The following CRHR1 variants were observed in gnomAD, a reference collection of about 807,000 sequenced individuals.
CRHR1 encodes the protein corticotropin releasing hormone receptor 1, also known as corticotropin-releasing hormone receptor 1.
In CRHR1, 28 loss-of-function variants were observed where a neutral mutation model predicts 56.0. That is an observed-to-expected ratio of 0.50 (90% CI 0.37 to 0.69). The LOEUF (loss-of-function observed/expected upper bound fraction) is 0.69, where lower values mean the gene tolerates loss of function less well. Among genes scored for constraint, CRHR1 ranks in the 30% least tolerant of loss-of-function variants. The probability of loss-of-function intolerance (pLI) is 0.00; values close to 1 mark genes in which losing one functional copy is unlikely to be tolerated. For missense variants in CRHR1, 376 were observed against 548.0 expected, an observed-to-expected ratio of 0.69 and a Z score of 3.13; for synonymous variants, 195 against 216.5, an observed-to-expected ratio of 0.90 and a Z score of 0.87.
intron 1 of CRHR1, among the ~76,000 whole-genome samples, chr17:45,797,307 T>TTTTTTTTTTTTTTTC (rs1568034430): frequency 2.2e-5 from 3 of 137,218 alleles, no homozygotes; most frequent in Non-Finnish European, 1.6e-5. Context: ...TTTTTTTTTT[T>TTTTTTTTTTTTTTTC]TGAGACGGAG....
Position 45,784,387 on chromosome 17 carries a change from G to A in CRHR1, c.-158G>A, listed in dbSNP as rs974559232. On this transcript the variant is annotated 5_prime_UTR_variant, in exon 1 of 13. Transcript: ENST00000314537. The surrounding 1 kb of genome is among the most constrained non-coding windows in gnomAD (Gnocchi z 4.2). ...GCCGGGCCGGGCCGGGCCGGGCCGC[G>A]GGGCCGGGAAGCGCCGAGCCGGGCA... 183 of 472,130 alleles carry A rather than the reference G, an allele frequency of 3.9e-4. 1 individual carries two copies. The highest frequency in any genetic ancestry group is 5.8e-4 in the Non-Finnish European group (175 of 303,848). 29.2% of individuals were successfully genotyped at this position (472,130 alleles called of 1,614,324 possible). A position where few individuals can be genotyped will look rare whatever the true frequency, so the allele number is the denominator to read the frequency against.
intron 1 of CRHR1, among the ~76,000 whole-genome samples, chr17:45,803,849 A>G (rs976087617): frequency 2.6e-5 from 4 of 151,904 alleles, no homozygotes; most frequent in Non-Finnish European, 4.4e-5. Context: ...GGAAACGAGG[A>G]GTGATGATTT....
At chr17:45,795,979 C>T (rs1333011272) in intron 1 of CRHR1, among the ~76,000 whole-genome samples, 1 of 152,228 alleles carries the variant, frequency 6.6e-6, no homozygotes, top group Non-Finnish European at 1.5e-5. Context: ...GCCCCAAAGC[C>T]TTTAGCATTT....
intron 1 of CRHR1, among the ~76,000 whole-genome samples, chr17:45,799,199 G>A (rs2061575636): frequency 1.3e-5 from 2 of 152,224 alleles, no homozygotes; most frequent in African/African-American, 4.8e-5. Context: ...TACACATCTT[G>A]CAAGTCTATC....
chr17:45,811,224 C>CA (rs1255994548), intron 2 of CRHR1, among the ~76,000 whole-genome samples: 1 of 152,252 alleles, frequency 6.6e-6, no homozygotes, highest in Admixed American at 6.5e-5. Context: ...GGGAAGAAGC[C>CA]AGTGCCTGAT....
rs146583372 is a variant in CRHR1, at chr17:45,794,387, G to T, written c.33+9810G>T. On this transcript the variant is annotated intron_variant, in intron 1 of 12. Coordinates refer to ENST00000314537, the MANE Select transcript of CRHR1 (RefSeq NM_004382.5). Reference sequence around the variant, plus strand: ...ACCAGTCCTCACCACCCTTTGAATAGCACGGGCCTAAAGCCCTCCTTTGGG... The same window carrying T: ...ACCAGTCCTCACCACCCTTTGAATATCACGGGCCTAAAGCCCTCCTTTGGG... Among the ~76,000 whole-genome samples, 700 of 152,350 alleles carry T rather than the reference G, an allele frequency of 4.6e-3. 10 individuals carry two copies. The highest frequency in any genetic ancestry group is 0.016 in the African/African-American group (681 of 41,582).
chr17:45,833,865 G>T lies in CRHR1; in HGVS notation c.1065+16G>T. The T allele has an allele frequency of 6.2e-7, 1 of 1,612,916 alleles. No individual in the cohort carries two copies. Among genetic ancestry groups the T allele is most frequent in the African/African-American group, 1.3e-5 (1 of 75,006 alleles). On this transcript the variant is annotated intron_variant, in intron 11 of 12. Transcript: ENST00000314537. Reference sequence around the variant, plus strand: ...ATCCTTCCAGGTACAGCCCTGGAGGGACACATCAGCACCTCCTTGGGTGGG... The same window carrying T: ...ATCCTTCCAGGTACAGCCCTGGAGGTACACATCAGCACCTCCTTGGGTGGG...
intron 1 of CRHR1, among the ~76,000 whole-genome samples, chr17:45,804,464 T>G: frequency 6.6e-6 from 1 of 150,484 alleles, no homozygotes; most frequent in African/African-American, 2.5e-5. Context: ...GGAATGTGGG[T>G]GGGAGAGAGG....
intron 1 of CRHR1, among the ~76,000 whole-genome samples, chr17:45,792,942 A>T (rs2061452666): frequency 6.6e-6 from 1 of 152,246 alleles, no homozygotes. Context: ...ACAAAAAAAT[A>T]ACAAAACCTC....
Position 45,821,554 on chromosome 17 carries a change from T to G in CRHR1, c.327+114T>G, listed in dbSNP as rs938770390. 4 of 1,004,826 alleles carry G rather than the reference T, an allele frequency of 4.0e-6. No individual in the cohort carries two copies. In the African/African-American group the frequency reaches 6.3e-5, roughly 16 times the overall value. 62.2% of individuals were successfully genotyped at this position (1,004,826 alleles called of 1,614,324 possible). ...CCAGAGGCTAATGTCAAGGCCCTGC[T>G]CTAGTGAAGCTGACTGGGGAGCTGG... On this transcript the variant is annotated intron_variant, in intron 4 of 12. Transcript: ENST00000314537.
At chr17:45,786,027 G>A (rs893642024) in intron 1 of CRHR1, among the ~76,000 whole-genome samples, 1 of 152,100 alleles carries the variant, frequency 6.6e-6, no homozygotes, top group Non-Finnish European at 1.5e-5. Context: ...TTTCCAAAAG[G>A]CTCGCGTGTA....
chr17:45,804,853 C>T (rs190466626), intron 1 of CRHR1, among the ~76,000 whole-genome samples: 31 of 151,430 alleles, frequency 2.0e-4, no homozygotes, highest in Admixed American at 1.4e-3. Flanking sequence ...ATTACTCTAT[C>T]GCCCAGGCTG....
chr17:45,833,693 T>C lies in CRHR1; in HGVS notation c.930-21T>C, dbSNP rs753609800. The C allele has an allele frequency of 5.1e-6, 8 of 1,571,798 alleles. No individual in the cohort carries two copies. In the Admixed American group the frequency reaches 1.4e-4, roughly 27 times the overall value. Reference sequence around the variant, plus strand: ...CTGGGGTGGGCTGTGACTCCGAGCCTCCCCACCCGCCCCACCCCAGGAAGG... The same window carrying C: ...CTGGGGTGGGCTGTGACTCCGAGCCCCCCCACCCGCCCCACCCCAGGAAGG... On this transcript the variant is annotated intron_variant, in intron 10 of 12. Coordinates refer to ENST00000314537, the MANE Select transcript of CRHR1 (RefSeq NM_004382.5).
intron 8 of CRHR1, 72 bp from the exon 9 acceptor site, chr17:45,833,066 G>A: frequency 7.3e-7 from 1 of 1,363,244 alleles, no homozygotes; most frequent in Non-Finnish European, 1.1e-6. Flanking sequence ...TCCTGGCCAA[G>A]CACTGTCCCT....
chr17:45,787,884 G>A lies in CRHR1; in HGVS notation c.33+3307G>A, dbSNP rs1333495142. ...GGGCCAGTGGGCTGCTGTGGCGTGC[G>A]GGACTGCTGGCCTGGCCACAGACTG... On this transcript the variant is annotated intron_variant, in intron 1 of 12. Coordinates refer to ENST00000314537, the MANE Select transcript of CRHR1 (RefSeq NM_004382.5). 3.3e-5 allele frequency among the ~76,000 whole-genome samples: 5 copies of A among 152,238 alleles called. No individual in the cohort carries two copies. In the East Asian group the frequency reaches 5.8e-4, roughly 18 times the overall value.
chr17:45,791,852 T>TCTCACACACACACA (rs60388646), intron 1 of CRHR1, among the ~76,000 whole-genome samples: 7 of 121,026 alleles, frequency 5.8e-5, no homozygotes, highest in African/African-American at 1.7e-4. Flanking sequence ...TCTCTCTCTC[T>TCTCACACACACACA]CACACACACA....
At chr17:45,828,386 C>G (rs779494976) in intron 4 of CRHR1, among the ~76,000 whole-genome samples, 1 of 152,230 alleles carries the variant, frequency 6.6e-6, no homozygotes, top group African/African-American at 2.4e-5. Context: ...AGCCCAGATG[C>G]CTTTCCGGCT....
Position 45,807,111 on chromosome 17 carries a change from A to T in CRHR1, c.121+14A>T, listed in dbSNP as rs377696758. On this transcript the variant is annotated intron_variant, in intron 2 of 12. Transcript: ENST00000314537. The stretch of plus-strand genomic sequence containing the variant: ...GCAACATCTCAGGTGAGTCCCCTCA[A>T]CCCCCTCCTGCAAGATTCCTGGTCA... The T allele has an allele frequency of 1.2e-5, 20 of 1,611,988 alleles. No homozygotes were observed. The highest frequency in any genetic ancestry group is 1.7e-5 in the Non-Finnish European group (20 of 1,178,582).
intron 1 of CRHR1, among the ~76,000 whole-genome samples, chr17:45,785,188 T>G (rs938467443): frequency 1.3e-5 from 2 of 152,212 alleles, no homozygotes; most frequent in African/African-American, 4.8e-5. Context: ...GCGACGCTCG[T>G]TCTCCGAGCC....
Sources: allele counts gnomAD v4.1 joint callset (sites outside exome capture counted in the v4.1 genomes callset), GRCh38; gene constraint gnomAD v4.1.1; non-coding constraint Gnocchi (gnomAD v3.1); transcripts MANE v1.5; gene names NCBI Gene and HGNC (gene_info 2026-07-23, HGNC 2026-07-21).